INPP4B: variants seen among roughly 807,000 people sequenced by gnomAD.
The protein encoded by INPP4B is inositol polyphosphate 4-phosphatase type II.
In INPP4B, 55 loss-of-function variants were observed where a neutral mutation model predicts 122.5. The ratio of observed to expected loss-of-function variants is 0.45; its 90% CI spans 0.36 to 0.56. The LOEUF (loss-of-function observed/expected upper bound fraction) is 0.56. Among genes scored for constraint, INPP4B ranks in the 20% least tolerant of loss-of-function variants. The pLI is 0.00. For synonymous variants in INPP4B, 403 were observed against 388.7 expected (o/e 1.04, Z -0.43); for missense variants, 1,000 against 1,097.7 (o/e 0.91, Z 1.26).
intron 2 of INPP4B, among the ~76,000 whole-genome samples, chr4:142,671,242 A>G (rs900379897): frequency 5.9e-5 from 9 of 152,088 alleles, no homozygotes; most frequent in Admixed American, 4.6e-4. Flanking sequence ...CGATCCACCA[A>G]TCTCCCTAAA....
chr4:142,194,906 C>T (rs949423876), intron 14 of INPP4B, among the ~76,000 whole-genome samples: 3 of 152,116 alleles, frequency 2.0e-5, no homozygotes, highest in African/African-American at 2.4e-5. Context: ...ATAAAGGTGT[C>T]TATATCCCCA....
intron 7 of INPP4B, among the ~76,000 whole-genome samples, chr4:142,383,473 A>G (rs1488443229): frequency 6.6e-6 from 1 of 152,168 alleles, no homozygotes; most frequent in East Asian, 1.9e-4. Flanking sequence ...CTTCCTTATC[A>G]TGAGCTTCCT....
At chr4:142,152,377 T>G (rs1220382898) in intron 17 of INPP4B, among the ~76,000 whole-genome samples, 1 of 151,972 alleles carries the variant, frequency 6.6e-6, no homozygotes, top group Non-Finnish European at 1.5e-5. Context: ...ACCCGGCACT[T>G]TTTTTTCTTT....
intron 2 of INPP4B, among the ~76,000 whole-genome samples, chr4:142,485,361 G>A (rs1821075344): frequency 6.6e-6 from 1 of 152,028 alleles, no homozygotes; most frequent in African/African-American, 2.4e-5. Flanking sequence ...GCCACAAAAA[G>A]CAACAAATAA....
chr4:142,627,060 C>A (rs1746608123), intron 2 of INPP4B, among the ~76,000 whole-genome samples: 1 of 151,954 alleles, frequency 6.6e-6, no homozygotes, highest in African/African-American at 2.4e-5. Context: ...ACTACAAGAG[C>A]CCTTCACTGT....
At chr4:142,475,213 C>CA (rs1358339011) in intron 2 of INPP4B, among the ~76,000 whole-genome samples, 3 of 152,004 alleles carry the variant, frequency 2.0e-5, no homozygotes, top group Non-Finnish European at 4.4e-5. Context: ...AGAATAGAAT[C>CA]AAAACTAGTC....
intron 12 of INPP4B, among the ~76,000 whole-genome samples, chr4:142,223,874 G>C (rs1392514692): frequency 6.6e-6 from 1 of 152,138 alleles, no homozygotes; most frequent in Non-Finnish European, 1.5e-5. Flanking sequence ...TTTGTTCTTA[G>C]AGCAAGCAAG....
intron 23 of INPP4B, among the ~76,000 whole-genome samples, chr4:142,100,092 G>T (rs1198142389): frequency 6.6e-6 from 1 of 152,140 alleles, no homozygotes; most frequent in Non-Finnish European, 1.5e-5. Flanking sequence ...GAGTAGCACA[G>T]GGGTCGATGA....
At chr4:142,674,256 C>T (rs1757406441) in intron 2 of INPP4B, among the ~76,000 whole-genome samples, 1 of 152,072 alleles carries the variant, frequency 6.6e-6, no homozygotes, top group Non-Finnish European at 1.5e-5. Context: ...CAATAAACTT[C>T]CTGAATGTAA....
chr4:142,835,594 A>G (rs1782685666), intron 1 of INPP4B, among the ~76,000 whole-genome samples: 1 of 152,232 alleles, frequency 6.6e-6, no homozygotes, highest in Non-Finnish European at 1.5e-5. Context: ...TAATGGGCCA[A>G]AAGTCTATTA....
intron 2 of INPP4B, among the ~76,000 whole-genome samples, chr4:142,601,345 T>C (rs561812146): frequency 9.2e-5 from 14 of 152,172 alleles, no homozygotes; most frequent in African/African-American, 2.6e-4. Flanking sequence ...ATTAAAATCA[T>C]ATCAAGTAAT....
At chr4:142,635,582 TA>T (rs1224975704) in intron 2 of INPP4B, among the ~76,000 whole-genome samples, 2 of 152,174 alleles carry the variant, frequency 1.3e-5, no homozygotes, top group African/African-American at 2.4e-5. Context: ...TAGAGGCTAT[TA>T]TTTTTAGCAA....
At chr4:142,783,210 CATCAGA>C (rs1335673777) in intron 1 of INPP4B, among the ~76,000 whole-genome samples, 1 of 152,036 alleles carries the variant, frequency 6.6e-6, no homozygotes, top group East Asian at 1.9e-4. Flanking sequence ...AAGAAACTAC[CATCAGA>C]GTGAACAGGC....
chr4:142,774,542 T>C (rs952057171), intron 1 of INPP4B, among the ~76,000 whole-genome samples: 8 of 152,234 alleles, frequency 5.3e-5, no homozygotes, highest in Admixed American at 2.0e-4. Flanking sequence ...ATCTAAAATA[T>C]TTGAAGGCAG....
At chr4:142,085,209 C>T (rs928609005) in intron 24 of INPP4B, among the ~76,000 whole-genome samples, 1 of 152,138 alleles carries the variant, frequency 6.6e-6, no homozygotes, top group African/African-American at 2.4e-5. Flanking sequence ...GGTAAATTAT[C>T]CATTCCTTTT....
At chr4:142,469,163 A>G (rs1818353943) in intron 2 of INPP4B, among the ~76,000 whole-genome samples, 1 of 152,048 alleles carries the variant, frequency 6.6e-6, no homozygotes, top group African/African-American at 2.4e-5. Context: ...ATTAGAATTA[A>G]TAAAATAACT....
At chr4:142,378,196 C>T (rs554965384) in intron 7 of INPP4B, among the ~76,000 whole-genome samples, 1 of 152,270 alleles carries the variant, frequency 6.6e-6, no homozygotes, top group African/African-American at 2.4e-5. Flanking sequence ...TCCAAAGTCA[C>T]ATAGTAAGCA....
At chr4:142,658,209 A>G (rs2150572795) in intron 2 of INPP4B, among the ~76,000 whole-genome samples, 1 of 152,302 alleles carries the variant, frequency 6.6e-6, no homozygotes, top group African/African-American at 2.4e-5. Context: ...TCTTGCTTTA[A>G]TCCTTTTCAA....
intron 17 of INPP4B, among the ~76,000 whole-genome samples, chr4:142,157,930 C>T (rs1402675074): frequency 2.0e-5 from 3 of 152,024 alleles, no homozygotes; most frequent in Admixed American, 2.0e-4. Flanking sequence ...CATCCAGCCC[C>T]ACCCACCCTC....
Sources: gnomAD v4.1 joint callset for allele counts (sites outside exome capture counted in the v4.1 genomes callset) on GRCh38, gnomAD v4.1.1 for gene constraint, MANE v1.5 for transcripts, NCBI Gene and HGNC (gene_info 2026-07-23, HGNC 2026-07-21) for gene names.